The following ST3GAL3 variants were observed in gnomAD, a reference collection of about 807,000 sequenced individuals.
ST3GAL3 encodes ST3 beta-galactoside alpha-2,3-sialyltransferase 3, also known as CMP-N-acetylneuraminate-beta-1,4-galactoside alpha-2,3-sialyltransferase.
Under a neutral mutation model 50.1 loss-of-function variants are expected in ST3GAL3, and 21 were observed. The observed-to-expected ratio is 0.42, with a 90% CI of 0.30 to 0.60. The LOEUF is 0.60. Among genes scored for constraint, ST3GAL3 ranks in the 20% least tolerant of loss-of-function variants. The pLI is 0.19. For synonymous variants in ST3GAL3, 183 were observed against 190.0 expected (o/e 0.96, Z 0.30); for missense variants, 353 against 489.4 (o/e 0.72, Z 2.63).
At chr1:43,774,865 C>T (rs1401423207) in intron 2 of ST3GAL3, among the ~76,000 whole-genome samples, 2 of 152,130 alleles carry the variant, frequency 1.3e-5, no homozygotes, top group African/African-American at 4.8e-5. Flanking sequence ...TTATGTGTCA[C>T]CTCAAGTTTT....
intron 5 of ST3GAL3, among the ~76,000 whole-genome samples, chr1:43,889,653 A>G (rs996848681): frequency 1.8e-4 from 27 of 152,238 alleles, no homozygotes; most frequent in Non-Finnish European, 3.2e-4. Flanking sequence ...TTCTGAAACC[A>G]TTATATACAT....
At chr1:43,865,208 C>T (rs1359772222) in intron 5 of ST3GAL3, among the ~76,000 whole-genome samples, 1 of 151,812 alleles carries the variant, frequency 6.6e-6, no homozygotes, top group Non-Finnish European at 1.5e-5. Context: ...TTAATAGAGA[C>T]GGGGTTTCAC....
intron 9 of ST3GAL3, among the ~76,000 whole-genome samples, chr1:43,903,173 G>A (rs191826250): frequency 1.5e-4 from 23 of 152,320 alleles, no homozygotes; most frequent in Admixed American, 1.2e-3. Context: ...GATCAAGCAT[G>A]AGGGTGGTGT....
chr1:43,909,477 C>T (rs886545977), intron 9 of ST3GAL3, among the ~76,000 whole-genome samples: 3 of 152,212 alleles, frequency 2.0e-5, no homozygotes, highest in East Asian at 1.9e-4. Context: ...CGCCCCAAGC[C>T]GGCTCTTCTT....
At position 43,880,786 on chromosome 1, in the gene ST3GAL3, C is replaced by T. The variant is rs562036545; in HGVS notation, c.303-13597C>T. On this transcript the variant is annotated intron_variant, in intron 5 of 11. Coordinates refer to ENST00000347631, the MANE Select transcript of ST3GAL3 (RefSeq NM_006279.5). ...CTTTCATGTATTACCAGAAGCAATG[C>T]GGTTAATACGAACGAGGATATAAAT... Among the ~76,000 whole-genome samples the T allele has an allele frequency of 1.6e-4, 24 of 152,274 alleles. No homozygotes were observed. In the South Asian group the frequency reaches 3.7e-3, roughly 24 times the overall value.
chr1:43,800,455 A>C (rs1455314269), intron 3 of ST3GAL3, among the ~76,000 whole-genome samples: 2 of 152,110 alleles, frequency 1.3e-5, no homozygotes, highest in Admixed American at 1.3e-4. Context: ...GGGCCTTCTG[A>C]CATCACCCTG....
In ST3GAL3 at chr1:43,930,524, A is replaced by G. The variant is rs12561948; in HGVS notation, c.*303A>G. On this transcript the variant is annotated 3_prime_UTR_variant, in exon 12 of 12. Coordinates refer to ENST00000347631, the MANE Select transcript of ST3GAL3 (RefSeq NM_006279.5). ...GGCTGCTGCCGGAATCACTTCTCCA[A>G]TCAGTGTTTGGTGTATTATCATTTT... 0.043 allele frequency: 21,985 copies of G among 505,412 alleles called. 643 individuals are homozygous for G. Among genetic ancestry groups the G allele is most frequent in the East Asian group, 0.14 (3,827 of 27,154 alleles). 31.3% of individuals were successfully genotyped at this position (505,412 alleles called of 1,614,324 possible).
Position 43,828,831 on chromosome 1 carries a change from G to A in ST3GAL3, c.210-9388G>A, listed in dbSNP as rs537119565. Among the ~76,000 whole-genome samples the A allele has an allele frequency of 8.5e-5, 13 of 152,234 alleles. No homozygotes were observed. In the East Asian group the frequency reaches 2.5e-3, roughly 29 times the overall value. On this transcript the variant is annotated intron_variant, in intron 4 of 11. Coordinates refer to ENST00000347631, the MANE Select transcript of ST3GAL3 (RefSeq NM_006279.5). ...GTGGGAATGGTTTGGCCACTTTGGAGCACAGTTTGGCCACTTTGGAGCACA... is the reference window on the plus strand; with the variant it reads ...GTGGGAATGGTTTGGCCACTTTGGAACACAGTTTGGCCACTTTGGAGCACA...
rs1403426503 is a variant in ST3GAL3, at chr1:43,778,738, C to T, written c.119-13364C>T. ...TCGGCTCACTGCAAGCTCCGCCTCC[C>T]GGGTTCACGCCATTCTCCTGCCTCA... On this transcript the variant is annotated intron_variant, in intron 2 of 11. Transcript: ENST00000347631. 1.0e-4 allele frequency among the ~76,000 whole-genome samples: 15 copies of T among 149,360 alleles called. No homozygotes were observed. The East Asian group carries it at 2.1e-3, about 21-fold the overall frequency.
At chr1:43,820,338 A>C (rs1392892819) in intron 4 of ST3GAL3, among the ~76,000 whole-genome samples, 1 of 152,226 alleles carries the variant, frequency 6.6e-6, no homozygotes, top group African/African-American at 2.4e-5. Context: ...AAGACCTCAA[A>C]CTATAAAAAT....
At chr1:43,808,663 T>G (rs2060187876) in intron 3 of ST3GAL3, among the ~76,000 whole-genome samples, 1 of 151,998 alleles carries the variant, frequency 6.6e-6, no homozygotes, top group Non-Finnish European at 1.5e-5. Context: ...AGTTGAGCAT[T>G]TGAGGAGACC....
chr1:43,795,133 T>C (rs572062169), intron 3 of ST3GAL3, among the ~76,000 whole-genome samples: 50 of 152,340 alleles, frequency 3.3e-4, no homozygotes, highest in African/African-American at 1.2e-3. Context: ...AACCTCAATG[T>C]ACAGCTAATA....
chr1:43,770,932 C>CT (rs1694913488), intron 2 of ST3GAL3, among the ~76,000 whole-genome samples: 1 of 152,352 alleles, frequency 6.6e-6, no homozygotes, highest in East Asian at 1.9e-4. Context: ...CTCTCATGGC[C>CT]TACAAGGCCC....
At chr1:43,744,927 G>C (rs529601678) in intron 2 of ST3GAL3, among the ~76,000 whole-genome samples, 1 of 151,118 alleles carries the variant, frequency 6.6e-6, no homozygotes, top group Non-Finnish European at 1.5e-5. Flanking sequence ...GGAGACAGAG[G>C]TTGCAGTGAG....
At chr1:43,712,347 A>G (rs1665195508) in intron 1 of ST3GAL3, among the ~76,000 whole-genome samples, 1 of 152,128 alleles carries the variant, frequency 6.6e-6, no homozygotes, top group Admixed American at 6.5e-5. Flanking sequence ...CAGCATCCCT[A>G]CGATCTCTTA....
At chr1:43,870,358 C>T (rs1017100322) in intron 5 of ST3GAL3, among the ~76,000 whole-genome samples, 1 of 152,228 alleles carries the variant, frequency 6.6e-6, no homozygotes, top group Admixed American at 6.5e-5. Context: ...AATTTTGATC[C>T]AGCAGGAGGT....
Position 43,893,732 on chromosome 1 carries a change from A to G in ST3GAL3, c.303-651A>G, listed in dbSNP as rs563867263. ...CTCTGGGTCCCTCCTCACTTCCACA[A>G]GAACTTAGCCTCCTCTCTTTCCTTC... is the stretch of plus-strand genomic sequence containing the variant. On this transcript the variant is annotated intron_variant, in intron 5 of 11. Coordinates refer to ENST00000347631, the MANE Select transcript of ST3GAL3 (RefSeq NM_006279.5). 4.8e-4 allele frequency among the ~76,000 whole-genome samples: 73 copies of G among 152,212 alleles called. 1 individual carries two copies. The South Asian group carries it at 0.015, about 32-fold the overall frequency.
intron 4 of ST3GAL3, chr1:43,824,712 C>G: frequency 6.2e-7 from 1 of 1,613,858 alleles, no homozygotes; most frequent in Non-Finnish European, 8.5e-7. Context: ...ACTGAAAAAG[C>G]CAAATTCCCA....
intron 10 of ST3GAL3, 26 bp from the exon 11 acceptor site, chr1:43,920,754 TTC>T (rs2082893158): frequency 2.5e-6 from 4 of 1,614,000 alleles, no homozygotes; most frequent in Admixed American, 1.7e-5. Context: ...TCTGCATGCC[TTC>T]TCTCACCCCT....
Sources: gnomAD v4.1 joint callset for allele counts (sites outside exome capture counted in the v4.1 genomes callset) on GRCh38, gnomAD v4.1.1 for gene constraint, MANE v1.5 for transcripts, NCBI Gene and HGNC (gene_info 2026-07-23, HGNC 2026-07-21) for gene names.